The following GREB1L variants were observed in gnomAD, a reference collection of about 807,000 sequenced individuals.
The protein encoded by GREB1L is GREB1-like protein.
In GREB1L, 17 loss-of-function variants were observed where a neutral mutation model predicts 200.8. The observed-to-expected ratio is 0.08, with a 90% CI of 0.06 to 0.13. The LOEUF (loss-of-function observed/expected upper bound fraction) is 0.13. GREB1L is among the 10% of genes least tolerant of loss of function. GREB1L has a pLI of 1.00. For synonymous variants in GREB1L, 789 were observed against 893.0 expected, an observed-to-expected ratio of 0.88 and a Z score of 2.08; for missense variants, 1,657 against 2,367.7, an observed-to-expected ratio of 0.70 and a Z score of 6.23.
chr18:21,341,762 C>T (rs1272995049), intron 1 of GREB1L, among the ~76,000 whole-genome samples: 2 of 152,134 alleles, frequency 1.3e-5, no homozygotes, highest in Non-Finnish European at 2.9e-5. Flanking sequence ...TGTTTTTCTG[C>T]TTGAACACAA....
At chr18:21,331,565 C>A (rs2039107458) in intron 1 of GREB1L, among the ~76,000 whole-genome samples, 1 of 152,150 alleles carries the variant, frequency 6.6e-6, no homozygotes, top group Non-Finnish European at 1.5e-5. Flanking sequence ...TTCTTGGAGA[C>A]CCCTGGATTA....
chr18:21,385,997 T>C (rs1257256473), intron 4 of GREB1L, among the ~76,000 whole-genome samples: 4 of 152,206 alleles, frequency 2.6e-5, no homozygotes, highest in Non-Finnish European at 5.9e-5. Context: ...ATAAACTTAG[T>C]GATCTAGAGA....
At chr18:21,289,224 G>A (rs934917846) in intron 1 of GREB1L, among the ~76,000 whole-genome samples, 4 of 151,950 alleles carry the variant, frequency 2.6e-5, no homozygotes, top group Admixed American at 2.6e-4. Context: ...ACCTACAATG[G>A]TAAAAATTTA....
chr18:21,308,768 T>C (rs1346128617), intron 1 of GREB1L, among the ~76,000 whole-genome samples: 1 of 152,254 alleles, frequency 6.6e-6, no homozygotes, highest in Non-Finnish European at 1.5e-5. Flanking sequence ...CTGATTTCTG[T>C]GTCCCTACAG....
At chr18:21,297,355 G>T (rs561990198) in intron 1 of GREB1L, among the ~76,000 whole-genome samples, 5 of 152,284 alleles carry the variant, frequency 3.3e-5, no homozygotes, top group African/African-American at 1.2e-4. Flanking sequence ...TGTACTTCTT[G>T]TCGGCAAGAA....
At chr18:21,514,501 C>T (rs191012132) in intron 28 of GREB1L, among the ~76,000 whole-genome samples, 17 of 152,266 alleles carry the variant, frequency 1.1e-4, no homozygotes, top group African/African-American at 3.6e-4. Context: ...GGTGACAGAG[C>T]GAGACTCTGT....
intron 1 of GREB1L, among the ~76,000 whole-genome samples, chr18:21,311,883 TA>T (rs774103900): frequency 5.4e-4 from 82 of 152,030 alleles, no homozygotes; most frequent in Non-Finnish European, 1.0e-3. Context: ...GTTATATAGG[TA>T]AACTCATGTC....
chr18:21,335,486 A>G (rs866712234), intron 1 of GREB1L, among the ~76,000 whole-genome samples: 41 of 152,130 alleles, frequency 2.7e-4, no homozygotes, highest in African/African-American at 9.4e-4. Flanking sequence ...TCAAGGACAA[A>G]AGATTTTTTT....
At chr18:21,456,673 G>T (rs2034779139) in intron 15 of GREB1L, among the ~76,000 whole-genome samples, 1 of 152,088 alleles carries the variant, frequency 6.6e-6, no homozygotes, top group Non-Finnish European at 1.5e-5. Context: ...GTTTTGGAAT[G>T]ACAGGTTACA....
At chr18:21,424,058 C>T (rs909315045) in intron 7 of GREB1L, among the ~76,000 whole-genome samples, 8 of 152,020 alleles carry the variant, frequency 5.3e-5, no homozygotes. Flanking sequence ...GGATGCTATC[C>T]CCAGGAGTCT....
Position 21,242,344 on chromosome 18 carries a change from A to G in GREB1L, c.-169A>G, listed in dbSNP as rs1248813543. 1 of 151,844 alleles carries G rather than the reference A, an allele frequency of 6.6e-6. No individual in the cohort carries two copies. Among genetic ancestry groups the G allele is most frequent in the Non-Finnish European group, 1.5e-5 (1 of 68,038 alleles). The allele number at this position is 151,844 out of a possible 1,614,324, so 9.4% of individuals were successfully genotyped here. On this transcript the variant is annotated 5_prime_UTR_variant, in exon 1 of 33. Transcript: ENST00000424526. ...GGGGGTGGGGAGACCAGCCCGGCCG[A>G]GCCGAGGGCCACCCCCTGGTCCTCT...
chr18:21,427,987 G>C (rs916500930), intron 7 of GREB1L, among the ~76,000 whole-genome samples: 1 of 150,900 alleles, frequency 6.6e-6, no homozygotes, highest in Non-Finnish European at 1.5e-5. Context: ...TCAGGAGATC[G>C]AGACCATCCT....
intron 4 of GREB1L, among the ~76,000 whole-genome samples, chr18:21,390,483 G>A (rs2040751472): frequency 6.6e-6 from 1 of 152,154 alleles, no homozygotes; most frequent in Non-Finnish European, 1.5e-5. Flanking sequence ...CTAGGCTAAT[G>A]TGTGTGTTTG....
intron 1 of GREB1L, among the ~76,000 whole-genome samples, chr18:21,278,388 A>AT (rs1293060708): frequency 0.014 from 1,887 of 138,304 alleles, 37 homozygotes; most frequent in African/African-American, 0.045. Flanking sequence ...CTCAAAAAAA[A>AT]AAAATAAATA....
At chr18:21,374,850 CTTTT>C (rs535722957) in intron 2 of GREB1L, among the ~76,000 whole-genome samples, 2 of 130,246 alleles carry the variant, frequency 1.5e-5, no homozygotes, top group Non-Finnish European at 1.6e-5. Context: ...TTTCCTTTTC[CTTTT>C]TTTTTTTTTT....
At chr18:21,516,458 T>G (rs993109260) in intron 29 of GREB1L, among the ~76,000 whole-genome samples, 155 bp from the exon 30 acceptor site, 1 of 151,588 alleles carries the variant, frequency 6.6e-6, no homozygotes, top group Non-Finnish European at 1.5e-5. Context: ...CAAATCAGAG[T>G]TTTTCCAGGT....
intron 2 of GREB1L, among the ~76,000 whole-genome samples, chr18:21,382,235 C>A (rs2040346323): frequency 6.6e-6 from 1 of 151,928 alleles, no homozygotes; most frequent in Non-Finnish European, 1.5e-5. Flanking sequence ...GTCCCAGCTA[C>A]TTGGGAGGCT....
intron 15 of GREB1L, among the ~76,000 whole-genome samples, chr18:21,461,915 T>C (rs775409010): frequency 6.6e-6 from 1 of 152,188 alleles, no homozygotes; most frequent in African/African-American, 2.4e-5. Flanking sequence ...TTAAAGCCCA[T>C]GTTCCAGAAA....
chr18:21,483,976 A>T (rs1403890562), intron 17 of GREB1L, among the ~76,000 whole-genome samples: 10 of 150,886 alleles, frequency 6.6e-5, no homozygotes, highest in Non-Finnish European at 1.2e-4. Context: ...ACTCCTCAAA[A>T]AAAAAGAAAA....
Sources: gnomAD v4.1 joint callset for allele counts (sites outside exome capture counted in the v4.1 genomes callset) on GRCh38, gnomAD v4.1.1 for gene constraint, MANE v1.5 for transcripts, NCBI Gene and HGNC (gene_info 2026-07-23, HGNC 2026-07-21) for gene names.